CA1: variants seen among roughly 807,000 people sequenced by gnomAD.
CA1 encodes the protein carbonate dehydratase I.
Under a neutral mutation model 28.8 loss-of-function variants are expected in CA1, and 27 were observed. That is an observed-to-expected ratio of 0.94 (90% CI 0.69 to 1.29). The LOEUF is 1.29. Ranked by LOEUF, CA1 falls within the 50% of genes most tolerant of loss-of-function variation. The probability of loss-of-function intolerance (pLI) is 0.00; values close to 1 mark genes in which losing one functional copy is unlikely to be tolerated. For missense variants in CA1, 335 were observed against 310.5 expected (o/e 1.08, Z -0.59); for synonymous variants, 121 against 108.8 (o/e 1.11, Z -0.70).
At chr8:85,355,308 A>G (rs1809562373) in intron 1 of CA1, among the ~76,000 whole-genome samples, 1 of 152,232 alleles carries the variant, frequency 6.6e-6, no homozygotes, top group Admixed American at 6.5e-5. Flanking sequence ...CTCTAACTGA[A>G]GTATGAAGGT....
intron 1 of CA1, among the ~76,000 whole-genome samples, chr8:85,360,982 G>C (rs576063338): frequency 1.3e-5 from 2 of 152,356 alleles, no homozygotes; most frequent in South Asian, 4.1e-4. Context: ...TGTAGGGAAT[G>C]TGGGTTCTGC....
intron 4 of CA1, among the ~76,000 whole-genome samples, chr8:85,336,553 G>C (rs561041959): frequency 6.6e-6 from 1 of 152,258 alleles, no homozygotes; most frequent in Admixed American, 6.5e-5. Context: ...GAATTGTCCT[G>C]GCTTGGCCAC....
chr8:85,346,408 G>A (rs1402669997), intron 1 of CA1, among the ~76,000 whole-genome samples: 1 of 152,090 alleles, frequency 6.6e-6, no homozygotes, highest in African/African-American at 2.4e-5. Flanking sequence ...AACAGATAAT[G>A]ACACTATTAA....
At chr8:85,359,164 T>C (rs1218501347) in intron 1 of CA1, among the ~76,000 whole-genome samples, 3 of 152,214 alleles carry the variant, frequency 2.0e-5, no homozygotes, top group Non-Finnish European at 4.4e-5. Context: ...GACTTATTAC[T>C]GTACCCTACT....
intron 1 of CA1, among the ~76,000 whole-genome samples, chr8:85,354,266 T>C (rs1809523752): frequency 6.7e-6 from 1 of 149,808 alleles, no homozygotes; most frequent in Non-Finnish European, 1.5e-5. Context: ...TGAGCTACTG[T>C]GCCTGGCCCA....
In CA1 at chr8:85,332,482, G is replaced by A; in HGVS notation, c.513+8C>T. The stretch of plus-strand genomic sequence containing the variant: ...CTCTGATTTAAACTACTTATTTAGT[G>A]TGTTTACCTTGGTTTTAATTGCTTG... On this transcript the variant is annotated splice_region_variant and intron_variant, in intron 6 of 7. Transcript: ENST00000523022. 6.2e-7 allele frequency: 1 copy of A among 1,604,324 alleles called. No individual in the cohort carries two copies. The highest frequency in any genetic ancestry group is 8.5e-7 in the Non-Finnish European group (1 of 1,171,568).
chr8:85,363,774 A>G (rs754316046), intron 1 of CA1, among the ~76,000 whole-genome samples: 4 of 152,216 alleles, frequency 2.6e-5, no homozygotes, highest in Non-Finnish European at 4.4e-5. Flanking sequence ...TACTGCAAGA[A>G]TGATAGCCCT....
intron 1 of CA1, among the ~76,000 whole-genome samples, chr8:85,366,205 G>T (rs6605615): frequency 0.024 from 3,556 of 146,790 alleles, 156 homozygotes; most frequent in African/African-American, 0.085. Flanking sequence ...TAGAGATGAG[G>T]TCCCACTATG....
At chr8:85,333,809 G>A (rs1808516772) in intron 4 of CA1, among the ~76,000 whole-genome samples, 189 bp from the exon 5 acceptor site, 1 of 152,178 alleles carries the variant, frequency 6.6e-6, no homozygotes, top group Non-Finnish European at 1.5e-5. Flanking sequence ...GTGCCAGGTA[G>A]AGATTACAAA....
At chr8:85,375,484 T>C (rs554506356) in intron 1 of CA1, among the ~76,000 whole-genome samples, 2 of 151,660 alleles carry the variant, frequency 1.3e-5, no homozygotes, top group African/African-American at 4.8e-5. Context: ...TGACCAGTGG[T>C]GCCATAAAAT....
rs568072294 is a variant in CA1 at position 85,330,505 on chromosome 8, G to A, written c.514-661C>T. Among the ~76,000 whole-genome samples the A allele has an allele frequency of 2.0e-5, 3 of 152,148 alleles. No homozygotes were observed. The East Asian group carries it at 5.8e-4, about 29-fold the overall frequency. On this transcript the variant is annotated intron_variant, in intron 6 of 7. Transcript: ENST00000523022. ...AGGACCCTTATTATAATTTTCAATTGTGATGGTCACAGTGGCACTTTTGTC... is the reference window on the plus strand; with the variant it reads ...AGGACCCTTATTATAATTTTCAATTATGATGGTCACAGTGGCACTTTTGTC...
At chr8:85,353,251 C>G (rs1445711653) in intron 1 of CA1, among the ~76,000 whole-genome samples, 3 of 152,210 alleles carry the variant, frequency 2.0e-5, no homozygotes, top group Non-Finnish European at 4.4e-5. Context: ...TCTTGAGTTT[C>G]TCACACATTG....
chr8:85,350,188 T>C lies in CA1; in HGVS notation c.-24-8529A>G, dbSNP rs1809351641. 2.0e-5 allele frequency among the ~76,000 whole-genome samples: 3 copies of C among 152,308 alleles called. 1 individual carries two copies. In the South Asian group the frequency reaches 6.2e-4, roughly 32 times the overall value. On this transcript the variant is annotated intron_variant, in intron 1 of 7. Coordinates refer to ENST00000523022, the MANE Select transcript of CA1 (RefSeq NM_001128831.4). ...TTTCTAAGATGGGTTTAGCTCTAAG[T>C]AAGTGAAGAATTTTCAGGCCTCTTA...
chr8:85,344,983 G>A (rs1391449220), intron 1 of CA1, among the ~76,000 whole-genome samples: 1 of 152,182 alleles, frequency 6.6e-6, no homozygotes, highest in African/African-American at 2.4e-5. Flanking sequence ...TATCATTTGG[G>A]GTGGCAAGAT....
At chr8:85,359,239 A>G (rs1418312775) in intron 1 of CA1, among the ~76,000 whole-genome samples, 1 of 152,212 alleles carries the variant, frequency 6.6e-6, no homozygotes, top group African/African-American at 2.4e-5. Flanking sequence ...GTAGAGAGGA[A>G]GTGCCTTTTA....
At chr8:85,357,297 C>A (rs184342374) in intron 1 of CA1, among the ~76,000 whole-genome samples, 26 of 152,272 alleles carry the variant, frequency 1.7e-4, no homozygotes, top group African/African-American at 6.3e-4. Context: ...ACAAAGGCAA[C>A]GTGTCTGGTA....
chr8:85,331,510 G>T (rs941431273), intron 6 of CA1, among the ~76,000 whole-genome samples: 1 of 151,958 alleles, frequency 6.6e-6, no homozygotes, highest in Admixed American at 6.6e-5. Flanking sequence ...AGGCTGGAGT[G>T]CAGTGGCACA....
intron 1 of CA1, among the ~76,000 whole-genome samples, chr8:85,359,149 G>A (rs898355322): frequency 5.3e-5 from 8 of 152,168 alleles, no homozygotes; most frequent in Admixed American, 5.2e-4. Context: ...TTTGAAGGAA[G>A]GGAAGACTTA....
chr8:85,368,981 G>T (rs995894529), intron 1 of CA1, among the ~76,000 whole-genome samples: 4 of 152,060 alleles, frequency 2.6e-5, no homozygotes, highest in African/African-American at 9.7e-5. Flanking sequence ...CTCGAAAAAA[G>T]CTTCCCTTGC....
Sources: allele counts gnomAD v4.1 joint callset (sites outside exome capture counted in the v4.1 genomes callset), GRCh38; gene constraint gnomAD v4.1.1; transcripts MANE v1.5; gene names NCBI Gene and HGNC (gene_info 2026-07-23, HGNC 2026-07-21).